Variants in CAPN2 observed in about 807,000 individuals in gnomAD.
CAPN2 encodes the protein calpain 2, also known as calpain-2 catalytic subunit.
CAPN2 carries 92 observed loss-of-function variants against 102.3 expected under a neutral mutation model. The ratio of observed to expected loss-of-function variants is 0.90; its 90% CI spans 0.76 to 1.07. CAPN2 has a LOEUF of 1.07. Among genes scored for constraint, CAPN2 ranks in the 50% least tolerant of loss-of-function variants. The pLI is 0.00. For synonymous variants in CAPN2, 340 were observed against 355.4 expected, an observed-to-expected ratio of 0.96 and a Z score of 0.49; for missense variants, 800 against 909.4, an observed-to-expected ratio of 0.88 and a Z score of 1.55.
rs534235973 is a variant in CAPN2, at chr1:223,759,281, G to A, written c.1329G>A (p.Gln443=). Residue 443 remains glutamine, a synonymous_variant, in exon 12 of 21, where the codon CAG becomes CAA. Coordinates refer to ENST00000295006, the MANE Select transcript of CAPN2 (RefSeq NM_001748.5). This position sits in a 1 kb window ranked among gnomAD's most constrained non-coding sequence, Gnocchi z 4.6. ...IYEVPEELSG[Q]TNIHLSKNFF... is the part of the protein sequence containing the mutation. ...TATTTATTCCTCAGTTAAGTGGGCAGACCAACATCCACCTCAGCAAAAACT... is the reference window on the plus strand; with the variant it reads ...TATTTATTCCTCAGTTAAGTGGGCAAACCAACATCCACCTCAGCAAAAACT... 1.9e-6 allele frequency: 3 copies of A among 1,614,156 alleles called. No individual in the cohort carries two copies. Among genetic ancestry groups the A allele is most frequent in the South Asian group, 2.2e-5 (2 of 91,080 alleles).
intron 14 of CAPN2, among the ~76,000 whole-genome samples, chr1:223,763,661 G>A (rs1333240685): frequency 6.6e-6 from 1 of 152,190 alleles, no homozygotes; most frequent in Non-Finnish European, 1.5e-5. Context: ...CAGATAAGAG[G>A]AATGGTATAA....
intron 15 of CAPN2, among the ~76,000 whole-genome samples, 181 bp downstream of exon 15, chr1:223,764,388 C>G (rs1416025059): frequency 6.6e-6 from 1 of 152,182 alleles, no homozygotes; most frequent in African/African-American, 2.4e-5. Context: ...TTTGTAGCAT[C>G]CACAGATCAA....
At chr1:223,774,664 A>C (rs1339021924) in intron 20 of CAPN2, among the ~76,000 whole-genome samples, 170 bp from the exon 21 acceptor site, 2 of 152,252 alleles carry the variant, frequency 1.3e-5, no homozygotes, top group African/African-American at 4.8e-5. Flanking sequence ...TGACCTGTTA[A>C]AAGCTAGACT....
intron 16 of CAPN2, 97 bp from the exon 17 acceptor site, chr1:223,769,744 A>G (rs2102816533): frequency 1.2e-6 from 1 of 869,322 alleles, no homozygotes; most frequent in South Asian, 1.4e-5. Context: ...CCTTGTGTAT[A>G]TGCTATGATA....
In CAPN2 at chr1:223,754,553, T is replaced by C. The variant is rs1660983084; in HGVS notation, c.1136-927T>C. Among the ~76,000 whole-genome samples the C allele has an allele frequency of 6.6e-6, 1 of 152,234 alleles. No homozygotes were observed. The highest frequency in any genetic ancestry group is 1.5e-5 in the Non-Finnish European group (1 of 68,042). ...AAACAGGCAGCGGCCTTCGGAGCCA[T>C]AGCTGCCAACCCCTACACAAGATGG... On this transcript the variant is annotated intron_variant, in intron 9 of 20. Transcript: ENST00000295006. The surrounding 1 kb of genome is among the most constrained non-coding windows in gnomAD (Gnocchi z 4.7).
Position 223,769,958 on chromosome 1 carries a change from C to A in CAPN2, c.1824+49C>A. ...GATCTGTGTTGGGAAACATTCTGTT[C>A]ATATGCTTTAAGATGCAGCAACTCC... On this transcript the variant is annotated intron_variant, in intron 17 of 20. Transcript: ENST00000295006. 2.8e-6 allele frequency: 4 copies of A among 1,412,012 alleles called. No individual in the cohort carries two copies. In the South Asian group the frequency reaches 3.7e-5, roughly 13 times the overall value. 87.5% of individuals were successfully genotyped at this position (1,412,012 alleles called of 1,614,324 possible).
At chr1:223,722,779 A>G (rs1660089186) in intron 2 of CAPN2, among the ~76,000 whole-genome samples, 1 of 152,132 alleles carries the variant, frequency 6.6e-6, no homozygotes, top group Admixed American at 6.5e-5. Flanking sequence ...TACACGTGTT[A>G]TAATGAATCA....
chr1:223,764,836 C>A (rs1362036894), intron 15 of CAPN2, among the ~76,000 whole-genome samples: 1 of 152,204 alleles, frequency 6.6e-6, no homozygotes, highest in Non-Finnish European at 1.5e-5. Context: ...GATCTGCCCA[C>A]CTCGGCCTCC....
chr1:223,745,229 GAGCCAGAGGC>G, intron 3 of CAPN2, 67 bp from the exon 4 acceptor site: 1 of 1,596,214 alleles, frequency 6.3e-7, no homozygotes, highest in Non-Finnish European at 8.6e-7. Flanking sequence ...AGGGCAAGGG[GAGCCAGAGGC>G]AGCTGAGGCT....
rs560411849 is a variant in CAPN2, at chr1:223,727,235, A to G, written c.307+9404A>G. Reference sequence around the variant, plus strand: ...GTCAGCATGCAAAACAAAAGAACAAAAGGTCTAAAGAAATATAACGCAAAA... The same window carrying G: ...GTCAGCATGCAAAACAAAAGAACAAGAGGTCTAAAGAAATATAACGCAAAA... On this transcript the variant is annotated intron_variant, in intron 2 of 20. Transcript: ENST00000295006. This position sits in a 1 kb window ranked among gnomAD's most constrained non-coding sequence, Gnocchi z 4.1. Among the ~76,000 whole-genome samples, 33 of 152,192 alleles carry G rather than the reference A, an allele frequency of 2.2e-4. No homozygotes were observed. Among genetic ancestry groups the G allele is most frequent in the Non-Finnish European group, 3.7e-4 (25 of 68,044 alleles).
chr1:223,711,586 T>A (rs1659728681), upstream of CAPN2, among the ~76,000 whole-genome samples: 1 of 151,814 alleles, frequency 6.6e-6, no homozygotes, highest in African/African-American at 2.4e-5. Context: ...TTTGGGAGGG[T>A]TGTTGTTTTA....
At chr1:223,717,233 A>G (rs529041162) in intron 1 of CAPN2, among the ~76,000 whole-genome samples, 1 of 152,304 alleles carries the variant, frequency 6.6e-6, no homozygotes, top group African/African-American at 2.4e-5. Context: ...AGACTCTGGG[A>G]CTCAGACTTG....
At position 223,737,721 on chromosome 1, in the gene CAPN2, G is replaced by GGA. The variant is rs146144248; in HGVS notation, c.308-6379_308-6378insGA. On this transcript the variant is annotated intron_variant, in intron 2 of 20. Coordinates refer to ENST00000295006, the MANE Select transcript of CAPN2 (RefSeq NM_001748.5). The stretch of plus-strand genomic sequence containing the variant: ...AAGAGACGGGGCGGGGGGTGGGGGG[G>GGA]AGAGAATACAATAACACCATGTACT... 5.5e-3 allele frequency among the ~76,000 whole-genome samples: 383 copies of GGA among 69,950 alleles called. 34 individuals carry two copies. The highest frequency in any genetic ancestry group is 0.022 in the Middle Eastern group (2 of 92). 45.9% of individuals were successfully genotyped at this position (69,950 alleles called of 152,430 possible).
intron 5 of CAPN2, among the ~76,000 whole-genome samples, chr1:223,748,741 G>GCGCCATCGAGGAC (rs1660813086): frequency 6.6e-6 from 1 of 151,984 alleles, no homozygotes; most frequent in Non-Finnish European, 1.5e-5. Flanking sequence ...GCCCTTTCCC[G>GCGCCATCGAGGAC]CCCTTCCCAG....
intron 2 of CAPN2, among the ~76,000 whole-genome samples, chr1:223,719,805 C>CGTGTGTGTGTGT (rs10556130): frequency 0.024 from 3,386 of 143,710 alleles, 57 homozygotes; most frequent in Middle Eastern, 0.065. Flanking sequence ...GGGGTGTGTG[C>CGTGTGTGTGTGT]GTGTGTGTGT....
intron 2 of CAPN2, among the ~76,000 whole-genome samples, chr1:223,718,160 C>T (rs16842047): frequency 0.014 from 2,061 of 152,286 alleles, 48 homozygotes; most frequent in African/African-American, 0.047. Context: ...CAGTGGTTCA[C>T]GAAATACACT....
intron 14 of CAPN2, among the ~76,000 whole-genome samples, chr1:223,763,785 C>T (rs996102252): frequency 2.6e-5 from 4 of 152,052 alleles, no homozygotes; most frequent in Non-Finnish European, 4.4e-5. Context: ...ATTAAAACAC[C>T]GTATCTAGGC....
intron 12 of CAPN2, among the ~76,000 whole-genome samples, chr1:223,760,958 T>G (rs913789787): frequency 6.6e-6 from 1 of 152,104 alleles, no homozygotes; most frequent in Non-Finnish European, 1.5e-5. Flanking sequence ...TTACCCTCAC[T>G]ATGGAGCAGA....
rs530615427 is a variant in CAPN2 at position 223,729,766 on chromosome 1, G to A, written c.307+11935G>A. Among the ~76,000 whole-genome samples, 5 of 152,202 alleles carry A rather than the reference G, an allele frequency of 3.3e-5. No individual in the cohort carries two copies. In the South Asian group the frequency reaches 1.0e-3, roughly 32 times the overall value. On this transcript the variant is annotated intron_variant, in intron 2 of 20. Transcript: ENST00000295006. The stretch of plus-strand genomic sequence containing the variant: ...ACCTGTAATTCCAGCACTTTGGGAG[G>A]CCAAGGCGGGTGGATCACCTGAGGT...
Sources: allele counts gnomAD v4.1 joint callset (sites outside exome capture counted in the v4.1 genomes callset), GRCh38; gene constraint gnomAD v4.1.1; non-coding constraint Gnocchi (gnomAD v3.1); transcripts MANE v1.5; gene names NCBI Gene and HGNC (gene_info 2026-07-23, HGNC 2026-07-21).